Variants in ZC3H12C observed in about 807,000 individuals in gnomAD.
The protein encoded by ZC3H12C is zinc finger CCCH-type containing 12C.
In ZC3H12C, 20 loss-of-function variants were observed where a neutral mutation model predicts 76.3. The ratio of observed to expected loss-of-function variants is 0.26; its 90% CI spans 0.18 to 0.38. The LOEUF is 0.38. Ranked by LOEUF, ZC3H12C falls within the 10% of genes least tolerant of loss-of-function variation. The pLI is 1.00. For missense variants in ZC3H12C, 874 were observed against 1,086.5 expected (o/e 0.80, Z 2.75); for synonymous variants, 352 against 399.6 (o/e 0.88, Z 1.42).
chr11:110,125,669 C>T (rs949121963), intron 1 of ZC3H12C, among the ~76,000 whole-genome samples: 1 of 152,176 alleles, frequency 6.6e-6, no homozygotes, highest in African/African-American at 2.4e-5. Flanking sequence ...GTTCTGTCCA[C>T]CTAGCATTTT....
intron 1 of ZC3H12C, among the ~76,000 whole-genome samples, chr11:110,095,140 C>T (rs892830135): frequency 2.0e-5 from 3 of 152,100 alleles, no homozygotes; most frequent in African/African-American, 7.2e-5. Flanking sequence ...TTAGTCACTT[C>T]CTTTTACTAA....
At chr11:110,115,748 C>CTTTTTTTTTTTTTTTTTTTTTTTTTT (rs71476067) in intron 1 of ZC3H12C, among the ~76,000 whole-genome samples, 1 of 120,320 alleles carries the variant, frequency 8.3e-6, no homozygotes. Flanking sequence ...TTCTCATTTT[C>CTTTTTTTTTTTTTTTTTTTTTTTTTT]TTTTTTTTTT....
intron 1 of ZC3H12C, among the ~76,000 whole-genome samples, chr11:110,124,576 A>G (rs79172741): frequency 3.3e-5 from 5 of 152,348 alleles, no homozygotes; most frequent in Admixed American, 6.5e-5. Context: ...CTAGTCCAAG[A>G]AGGCTTTATG....
intron 1 of ZC3H12C, chr11:110,131,848 C>T (rs1861872264): frequency 6.6e-6 from 1 of 152,248 alleles, no homozygotes; most frequent in South Asian, 2.1e-4. Flanking sequence ...ATTGTGCGAA[C>T]ATATGCATAA....
intron 2 of ZC3H12C, among the ~76,000 whole-genome samples, chr11:110,150,257 A>C (rs972423328): frequency 2.6e-5 from 4 of 152,158 alleles, no homozygotes; most frequent in African/African-American, 9.6e-5. Flanking sequence ...ATTTGAAATC[A>C]TTTGCCATCT....
At chr11:110,137,484 G>T in intron 2 of ZC3H12C, 70 bp downstream of exon 2, 1 of 1,463,536 alleles carries the variant, frequency 6.8e-7, no homozygotes, top group Non-Finnish European at 9.0e-7. Flanking sequence ...TAATTTTGTG[G>T]CTCTTTTCCT....
At chr11:110,154,414 T>C (rs1862336284) in intron 3 of ZC3H12C, among the ~76,000 whole-genome samples, 1 of 151,988 alleles carries the variant, frequency 6.6e-6, no homozygotes, top group Non-Finnish European at 1.5e-5. Context: ...TATTACATCA[T>C]TGTTAAATTA....
chr11:110,123,761 G>A (rs1487298224), intron 1 of ZC3H12C, among the ~76,000 whole-genome samples: 1 of 152,022 alleles, frequency 6.6e-6, no homozygotes, highest in Admixed American at 6.6e-5. Context: ...TTATTCTTGA[G>A]TATTGTTGGA....
intron 1 of ZC3H12C, among the ~76,000 whole-genome samples, chr11:110,102,489 G>A (rs2134145183): frequency 6.6e-6 from 1 of 152,202 alleles, no homozygotes; most frequent in Admixed American, 6.5e-5. Context: ...TTGAACAGAT[G>A]AGGAGTTGTG....
chr11:110,095,829 G>T (rs1861103137), intron 1 of ZC3H12C, among the ~76,000 whole-genome samples: 2 of 152,174 alleles, frequency 1.3e-5, no homozygotes, highest in Non-Finnish European at 2.9e-5. Context: ...GGCGCATGGG[G>T]CAGATGATAG....
At chr11:110,145,424 G>T (rs1333814170) in intron 2 of ZC3H12C, among the ~76,000 whole-genome samples, 7 of 152,182 alleles carry the variant, frequency 4.6e-5, no homozygotes, top group Admixed American at 3.9e-4. Context: ...CTAATTTCCA[G>T]TTGTCTAGTT....
intron 2 of ZC3H12C, among the ~76,000 whole-genome samples, chr11:110,145,810 T>C (rs1161045376): frequency 6.6e-6 from 1 of 152,028 alleles, no homozygotes; most frequent in East Asian, 1.9e-4. Flanking sequence ...ATACCCAGCG[T>C]ACAGAATATG....
rs931504306 is a variant in ZC3H12C, at chr11:110,123,361, A to G, written c.22-13302A>G. Among the ~76,000 whole-genome samples the G allele has an allele frequency of 2.8e-4, 42 of 152,378 alleles. 1 individual carries two copies. Among genetic ancestry groups the G allele is most frequent in the African/African-American group, 9.9e-4 (41 of 41,594 alleles). On this transcript the variant is annotated intron_variant, in intron 1 of 5. Transcript: ENST00000278590. ...TATTTGCTTAATGAATTTTTTAAAA[A>G]ACACTAAATGGGAAACTAATCCCTG...
At position 110,164,389 on chromosome 11, in the gene ZC3H12C, G is replaced by A. The variant is rs1386020027; in HGVS notation, c.1304G>A (p.Arg435Lys). 6.2e-7 allele frequency: 1 copy of A among 1,613,706 alleles called. No individual in the cohort carries two copies. The highest frequency in any genetic ancestry group is 8.5e-7 in the Non-Finnish European group (1 of 1,179,868). Residue 435 changes from arginine (R) to lysine (K), a missense_variant, in exon 6 of 6, where the codon AGG becomes AAG. Arg to Lys is a conservative substitution (Grantham distance 26). This residue lies in a region of ZC3H12C where 269 missense variants were observed against 424.9 expected (regional missense o/e 0.63). Transcript: ENST00000278590. This position sits in a 1 kb window ranked among gnomAD's most constrained non-coding sequence, Gnocchi z 5.7. ...AAGTGCAAATATTACCATCCCGAAAGGGGCAGTCAGCCACAGCGGTCAGTG... is the reference window on the plus strand; with the variant it reads ...AAGTGCAAATATTACCATCCCGAAAAGGGCAGTCAGCCACAGCGGTCAGTG... ...GHKCKYYHPE[R>K]GSQPQRSVAD...
intron 1 of ZC3H12C, among the ~76,000 whole-genome samples, chr11:110,127,213 C>T (rs1861765213): frequency 6.6e-6 from 1 of 152,230 alleles, no homozygotes; most frequent in Non-Finnish European, 1.5e-5. Context: ...TTCTGTTAAC[C>T]AGTGCTCCCT....
chr11:110,149,297 C>T (rs1862226586), intron 2 of ZC3H12C, among the ~76,000 whole-genome samples: 1 of 152,096 alleles, frequency 6.6e-6, no homozygotes, highest in South Asian at 2.1e-4. Flanking sequence ...TTTCCCTCGC[C>T]GTTTAAAAGA....
chr11:110,120,252 G>A (rs903467142), intron 1 of ZC3H12C, among the ~76,000 whole-genome samples: 1 of 152,050 alleles, frequency 6.6e-6, no homozygotes, highest in African/African-American at 2.4e-5. Context: ...TTTTATGTGT[G>A]TTTCTGTTTA....
In ZC3H12C at chr11:110,165,441, G is replaced by A. The variant is rs185553411; in HGVS notation, c.2356G>A (p.Ala786Thr). The A allele has an allele frequency of 2.8e-4, 448 of 1,613,996 alleles. 2 individuals carry two copies. The African/African-American group carries it at 5.0e-3, about 18-fold the overall frequency. Residue 786 changes from alanine (A) to threonine (T), a missense_variant, in exon 6 of 6, where the codon GCC becomes ACC. Ala to Thr is a moderately conservative substitution (Grantham distance 58, BLOSUM62 0). Transcript: ENST00000278590. Reference protein sequence around the residue: ...SWERPGYGIDAYGYRQTYSLP... With the variant: ...SWERPGYGIDTYGYRQTYSLP... Reference sequence around the variant, plus strand: ...GGAGAGGCCAGGCTATGGGATCGACGCCTATGGGTACCGGCAGACTTATTC... The same window carrying A: ...GGAGAGGCCAGGCTATGGGATCGACACCTATGGGTACCGGCAGACTTATTC...
chr11:110,155,378 A>G (rs951893663), intron 3 of ZC3H12C, among the ~76,000 whole-genome samples: 7 of 152,122 alleles, frequency 4.6e-5, no homozygotes, highest in Non-Finnish European at 8.8e-5. Context: ...GCTGCTGTGG[A>G]AATTGTTACA....
Sources: gnomAD v4.1 joint callset for allele counts (sites outside exome capture counted in the v4.1 genomes callset) on GRCh38, gnomAD v4.1.1 for gene constraint, gnomAD v4.1.1 regional missense constraint, Gnocchi (gnomAD v3.1) non-coding constraint, MANE v1.5 for transcripts, NCBI Gene and HGNC (gene_info 2026-07-23, HGNC 2026-07-21) for gene names.